The following PHLDB2 variants were observed in gnomAD, a reference collection of about 807,000 sequenced individuals.
The protein encoded by PHLDB2 is pleckstrin homology-like domain family B member 2.
In PHLDB2, 71 loss-of-function variants were observed where a neutral mutation model predicts 123.6. The ratio of observed to expected loss-of-function variants is 0.57; its 90% confidence interval spans 0.47 to 0.70. The LOEUF is 0.70. PHLDB2 is among the 30% of genes least tolerant of loss of function. The pLI is 0.00. For synonymous variants in PHLDB2, 547 were observed against 541.6 expected, an observed-to-expected ratio of 1.01 and a Z score of -0.14; for missense variants, 1,446 against 1,519.5, an observed-to-expected ratio of 0.95 and a Z score of 0.80.
intron 1 of PHLDB2, among the ~76,000 whole-genome samples, chr3:111,802,599 A>G (rs1212940310): frequency 6.6e-6 from 1 of 152,258 alleles, no homozygotes; most frequent in Non-Finnish European, 1.5e-5. Flanking sequence ...TAGAAGAGAC[A>G]TTAGTACTAT....
intron 1 of PHLDB2, among the ~76,000 whole-genome samples, chr3:111,755,086 C>T (rs1294593435): frequency 1.1e-4 from 15 of 141,870 alleles, no homozygotes; most frequent in African/African-American, 3.4e-4. Context: ...CATCAATGTT[C>T]ATCAAGGATA....
chr3:111,810,485 T>A (rs2061784975), intron 1 of PHLDB2, among the ~76,000 whole-genome samples: 1 of 152,158 alleles, frequency 6.6e-6, no homozygotes, highest in Non-Finnish European at 1.5e-5. Flanking sequence ...CACTTTGTTG[T>A]GTGCTCACAT....
At chr3:111,830,961 GAA>G (rs1559854971) in intron 1 of PHLDB2, among the ~76,000 whole-genome samples, 591 of 25,594 alleles carry the variant, frequency 0.023, 11 homozygotes, top group African/African-American at 0.064. Flanking sequence ...GAAAGAGAAA[GAA>G]AGAAAGAAAG....
rs1202224943 is a variant in PHLDB2, at chr3:111,830,977, GAA to G, written c.-48-14842_-48-14841del. 4.7e-5 allele frequency among the ~76,000 whole-genome samples: 2 copies of G among 42,286 alleles called. 1 individual carries two copies. The highest frequency in any genetic ancestry group is 8.5e-5 in the Non-Finnish European group (2 of 23,644). The allele number at this position is 42,286 out of a possible 152,430, so 27.7% of individuals were successfully genotyped here. ...AAAGAGAAAGAAAGAAAGAAAGAAA[GAA>G]AGAAAGAAAGAAAGAAAGAAAGAAA... On this transcript the variant is annotated intron_variant, in intron 1 of 17. Transcript: ENST00000393923.
chr3:111,757,121 A>T (rs1171677899), intron 1 of PHLDB2, among the ~76,000 whole-genome samples: 10 of 152,046 alleles, frequency 6.6e-5, no homozygotes, highest in Admixed American at 3.3e-4. Flanking sequence ...CTGACAATTA[A>T]GTGTCTTGGA....
chr3:111,812,527 G>T (rs2061887129), intron 1 of PHLDB2, among the ~76,000 whole-genome samples: 1 of 152,174 alleles, frequency 6.6e-6, no homozygotes, highest in South Asian at 2.1e-4. Context: ...GAATGAGGAG[G>T]AATTAATGAC....
upstream of PHLDB2, among the ~76,000 whole-genome samples, chr3:111,857,896 C>T (rs1347271090): frequency 1.3e-5 from 2 of 152,162 alleles, no homozygotes; most frequent in Non-Finnish European, 2.9e-5. Context: ...GACAGTGTGG[C>T]GATTCCTCAG....
chr3:111,913,782 A>G, intron 3 of PHLDB2, 80 bp downstream of exon 3: 1 of 1,413,326 alleles, frequency 7.1e-7, no homozygotes, highest in Non-Finnish European at 9.5e-7. Flanking sequence ...TGATGATTTT[A>G]TCATGCTAAT....
rs11391498 is a variant in PHLDB2, at chr3:111,766,443, C to CAAA, written c.-49+33754_-49+33756dup. Among the ~76,000 whole-genome samples, 346 of 112,404 alleles carry CAAA rather than the reference C, an allele frequency of 3.1e-3. 7 individuals are homozygous for CAAA. The highest frequency in any genetic ancestry group is 0.013 in the Middle Eastern group (2 of 154). 73.7% of individuals were successfully genotyped at this position (112,404 alleles called of 152,430 possible). On this transcript the variant is annotated intron_variant, in intron 1 of 17. Coordinates refer to the PHLDB2 transcript ENST00000393923. The stretch of plus-strand genomic sequence containing the variant: ...TGGGCGACAGAGTGAGACTCTGTCT[C>CAAA]AAAAAAAAAAAAAAAAGAATCTGAT...
intron 1 of PHLDB2, among the ~76,000 whole-genome samples, chr3:111,787,435 T>G (rs1338223442): frequency 6.6e-6 from 1 of 152,196 alleles, no homozygotes; most frequent in Admixed American, 6.5e-5. Flanking sequence ...TTTTTGCACT[T>G]GGGTTTCAAA....
Position 111,932,260 on chromosome 3 carries a change from G to A in PHLDB2, c.2002-9G>A, listed in dbSNP as rs185969062. 12 of 1,549,864 alleles carry A rather than the reference G, an allele frequency of 7.7e-6. No homozygotes were observed. The Admixed American group carries it at 1.8e-4, about 23-fold the overall frequency. On this transcript the variant is annotated splice_polypyrimidine_tract_variant and intron_variant, in intron 5 of 17. Coordinates refer to ENST00000431670, the MANE Select transcript of PHLDB2 (RefSeq NM_001134438.2). ...ATTTCTATTCTATTTTCTGGTTTCT[G>A]AACTTCAGGAGAAGGTAAAGCTTGA...
chr3:111,921,484 G>C (rs1284243645), intron 5 of PHLDB2, among the ~76,000 whole-genome samples: 4 of 152,020 alleles, frequency 2.6e-5, no homozygotes, highest in African/African-American at 9.7e-5. Context: ...GCTCAAAATG[G>C]TAGTCAGAAA....
chr3:111,739,599 A>AAAAAAAAACG (rs2059568774), intron 1 of PHLDB2, among the ~76,000 whole-genome samples: 2 of 131,698 alleles, frequency 1.5e-5, no homozygotes, highest in African/African-American at 2.9e-5. Flanking sequence ...AAAACAAACA[A>AAAAAAAAACG]AAAAAAAAAA....
chr3:111,952,605 C>T lies in PHLDB2; in HGVS notation c.2665C>T (p.His889Tyr), dbSNP rs1475683305. The T allele has an allele frequency of 1.2e-6, 2 of 1,613,278 alleles. No individual in the cohort carries two copies. Among genetic ancestry groups the T allele is most frequent in the Non-Finnish European group, 1.7e-6 (2 of 1,179,722 alleles). The change falls in exon 11 of 18, where the codon CAT becomes TAT. Residue 889 changes from histidine to tyrosine, a missense_variant. Transcript: ENST00000431670. ...FRSLEERKKQ[H>Y]KEGLYLSDTL... ...AAGTCTGGAAGAAAGGAAAAAACAG[C>T]ATAAAGAAGGCCTCTATCTGAGTGA... is the stretch of plus-strand genomic sequence containing the variant.
At chr3:111,890,743 C>G (rs1275452085) in intron 2 of PHLDB2, among the ~76,000 whole-genome samples, 1 of 152,048 alleles carries the variant, frequency 6.6e-6, no homozygotes, top group Non-Finnish European at 1.5e-5. Flanking sequence ...AATTATGTAT[C>G]TCCAAGGGCC....
At chr3:111,880,281 C>T (rs2065871928) in intron 1 of PHLDB2, among the ~76,000 whole-genome samples, 1 of 152,078 alleles carries the variant, frequency 6.6e-6, no homozygotes, top group Non-Finnish European at 1.5e-5. Flanking sequence ...GTTAGGACCC[C>T]CTGATCTAAA....
chr3:111,805,283 G>T (rs1043462919), intron 1 of PHLDB2, among the ~76,000 whole-genome samples: 2 of 152,008 alleles, frequency 1.3e-5, no homozygotes, highest in African/African-American at 4.8e-5. Context: ...TACTGGGGCC[G>T]GGCGCTGTGG....
chr3:111,970,755 A>T (rs1008430111), intron 16 of PHLDB2, among the ~76,000 whole-genome samples: 2 of 152,224 alleles, frequency 1.3e-5, no homozygotes, highest in South Asian at 2.1e-4. Context: ...GAGTGGTGTC[A>T]TACCAGATAT....
Position 111,892,869 on chromosome 3 carries a change from A to G in PHLDB2, c.1335+7457A>G, listed in dbSNP as rs563525808. On this transcript the variant is annotated intron_variant, in intron 2 of 17. Coordinates refer to ENST00000431670, the MANE Select transcript of PHLDB2 (RefSeq NM_001134438.2). ...TTTGTTTAAGGATTTTTGGTATTTT[A>G]TAAAATAAACTTATATGTTCTCTAA... Among the ~76,000 whole-genome samples the G allele has an allele frequency of 2.2e-4, 33 of 152,334 alleles. No individual in the cohort carries two copies. The Middle Eastern group carries it at 0.01, about 47-fold the overall frequency.
Sources: allele counts gnomAD v4.1 joint callset (sites outside exome capture counted in the v4.1 genomes callset), GRCh38; gene constraint gnomAD v4.1.1; transcripts MANE v1.5; gene names NCBI Gene and HGNC (gene_info 2026-07-23, HGNC 2026-07-21).